Variants in CAPN13 observed in about 807,000 individuals in gnomAD.
CAPN13 encodes the protein calpain-13.
Under a neutral mutation model 98.4 loss-of-function variants are expected in CAPN13, and 90 were observed. That is an observed-to-expected ratio of 0.92 (90% CI 0.77 to 1.09). CAPN13 has a LOEUF of 1.09. CAPN13 is among the 50% of genes least tolerant of loss of function. The pLI is 0.00. For missense variants in CAPN13, 887 were observed against 841.3 expected, an observed-to-expected ratio of 1.05 and a Z score of -0.67; for synonymous variants, 330 against 305.5, an observed-to-expected ratio of 1.08 and a Z score of -0.84.
chr2:30,743,275 G>T, intron 13 of CAPN13, 108 bp downstream of exon 13: 1 of 993,364 alleles, frequency 1.0e-6, no homozygotes, highest in Non-Finnish European at 1.6e-6. Flanking sequence ...TGTCCCCAGT[G>T]ACATAGCACA....
intron 8 of CAPN13, 115 bp from the exon 9 acceptor site, chr2:30,754,479 A>G: frequency 3.8e-6 from 3 of 790,894 alleles, no homozygotes; most frequent in Non-Finnish European, 5.7e-6. Flanking sequence ...AGCACAGGGC[A>G]AGTGTCATCC....
At chr2:30,757,331 C>T (rs1672505240) in intron 8 of CAPN13, among the ~76,000 whole-genome samples, 2 of 152,340 alleles carry the variant, frequency 1.3e-5, no homozygotes, top group South Asian at 4.1e-4. Flanking sequence ...GGGGTCCACC[C>T]CTCTGGCAGC....
chr2:30,754,420 C>T, intron 8 of CAPN13, 56 bp from the exon 9 acceptor site: 1 of 1,477,928 alleles, frequency 6.8e-7, no homozygotes, highest in African/African-American at 1.4e-5. Flanking sequence ...TTTTTCTCAA[C>T]CATGTGTGGG....
chr2:30,761,767 G>C (rs1387802514), intron 7 of CAPN13, among the ~76,000 whole-genome samples: 1 of 152,186 alleles, frequency 6.6e-6, no homozygotes, highest in Non-Finnish European at 1.5e-5. Flanking sequence ...AGAGATTGGA[G>C]ATACTGTCTT....
At chr2:30,742,235 G>T in intron 14 of CAPN13, 91 bp downstream of exon 14, 1 of 1,407,948 alleles carries the variant, frequency 7.1e-7, no homozygotes, top group South Asian at 1.2e-5. Flanking sequence ...ATTGGTTGGG[G>T]GCAGCGGGAG....
intron 8 of CAPN13, among the ~76,000 whole-genome samples, chr2:30,757,185 G>A (rs774369461): frequency 6.6e-6 from 1 of 152,230 alleles, no homozygotes; most frequent in Non-Finnish European, 1.5e-5. Flanking sequence ...ATTTTTCACG[G>A]ATGGACACAG....
rs1391799892 is a variant in CAPN13 at position 30,764,248 on chromosome 2, G to C, written c.583C>G (p.Leu195Val). Residue 195 changes from leucine to valine, a missense_variant, in exon 6 of 23, where the codon CTC (leucine) becomes GTC (valine). Physicochemically the swap from Leu to Val is conservative, Grantham distance 32. Coordinates refer to ENST00000295055, the MANE Select transcript of CAPN13 (RefSeq NM_144575.3). Reference sequence around the variant, plus strand: ...ATGTTGGTGATCACGCCTCCTGTGAGGTCCACCAGGGCATCCTCGAGGAAG... The same window carrying C: ...ATGTTGGTGATCACGCCTCCTGTGACGTCCACCAGGGCATCCTCGAGGAAG... The part of the protein sequence containing the change: ...YGFLEDALVD[L>V]TGGVITNIHL... 6.2e-7 allele frequency: 1 copy of C among 1,613,590 alleles called. No individual in the cohort carries two copies.
chr2:30,796,607 C>T (rs191738220), intron 1 of CAPN13, among the ~76,000 whole-genome samples: 1 of 152,034 alleles, frequency 6.6e-6, no homozygotes, highest in African/African-American at 2.4e-5. Flanking sequence ...ATTAACCAAG[C>T]AGATAGCAGA....
At chr2:30,754,838 C>T (rs1268984002) in intron 8 of CAPN13, among the ~76,000 whole-genome samples, 1 of 152,214 alleles carries the variant, frequency 6.6e-6, no homozygotes, top group East Asian at 1.9e-4. Flanking sequence ...CTGCCCTTCC[C>T]TCTGGATATC....
rs1491460338 is a variant in CAPN13, at chr2:30,796,173, T to TATATATATATATACATATATATAC, written c.-32-8817_-32-8816insGTATATATATGTATATATATATAT. On this transcript the variant is annotated intron_variant, in intron 1 of 22. Transcript: ENST00000295055. ...ATATATATATACATATATATGTGTGTATATATATATACATATATATGTGTG... is the reference window on the plus strand; with the variant it reads ...ATATATATATACATATATATGTGTGTATATATATATATACATATATATACATATATATATACATATATATGTGTG... Among the ~76,000 whole-genome samples, 903 of 139,084 alleles carry TATATATATATATACATATATATAC rather than the reference T, an allele frequency of 6.5e-3. 14 individuals are homozygous for TATATATATATATACATATATATAC. Among genetic ancestry groups the TATATATATATATACATATATATAC allele is most frequent in the African/African-American group, 0.024 (844 of 34,820 alleles). 91.2% of individuals were successfully genotyped at this position (139,084 alleles called of 152,430 possible).
chr2:30,758,812 C>CTT (rs1387383126), intron 7 of CAPN13, among the ~76,000 whole-genome samples: 3 of 95,756 alleles, frequency 3.1e-5, no homozygotes, highest in Admixed American at 2.0e-4. Context: ...CCCTCCCTTC[C>CTT]CTTCCTCCCT....
At chr2:30,800,538 G>A (rs1034729446) in intron 1 of CAPN13, among the ~76,000 whole-genome samples, 1 of 152,170 alleles carries the variant, frequency 6.6e-6, no homozygotes, top group African/African-American at 2.4e-5. Flanking sequence ...TGGGCCTTGG[G>A]CACGTCGCTC....
Position 30,752,235 on chromosome 2 carries a change from G to A in CAPN13, c.1087+818C>T, listed in dbSNP as rs142977101. On this transcript the variant is annotated intron_variant, in intron 10 of 22. Transcript: ENST00000295055. The stretch of plus-strand genomic sequence containing the variant: ...TCAAACCAACCATCCCGACAGGCAG[G>A]TGCCCAGAGGAAGGGATGCATATGC... Among the ~76,000 whole-genome samples, 676 of 152,308 alleles carry A rather than the reference G, an allele frequency of 4.4e-3. 8 individuals carry two copies. The highest frequency in any genetic ancestry group is 0.015 in the African/African-American group (629 of 41,564).
At chr2:30,789,237 C>T (rs1451407127) in intron 1 of CAPN13, among the ~76,000 whole-genome samples, 1 of 152,142 alleles carries the variant, frequency 6.6e-6, no homozygotes, top group Non-Finnish European at 1.5e-5. Flanking sequence ...CGATGGCACT[C>T]GATAATGAAG....
chr2:30,767,577 G>C (rs560428085), intron 5 of CAPN13, among the ~76,000 whole-genome samples: 1 of 152,170 alleles, frequency 6.6e-6, no homozygotes, highest in East Asian at 1.9e-4. Context: ...AAAGATAATG[G>C]CAGTGTTTTC....
intron 10 of CAPN13, among the ~76,000 whole-genome samples, chr2:30,752,814 A>G (rs561446387): frequency 1.3e-5 from 2 of 152,198 alleles, no homozygotes; most frequent in Non-Finnish European, 2.9e-5. Flanking sequence ...GTGGAAGGAT[A>G]TTGGCACAGC....
chr2:30,757,649 G>A (rs1672523663), intron 8 of CAPN13, among the ~76,000 whole-genome samples: 1 of 152,186 alleles, frequency 6.6e-6, no homozygotes, highest in Non-Finnish European at 1.5e-5. Flanking sequence ...TCCAAGGGAT[G>A]CAGTTCCTTC....
rs762440070 is a variant in CAPN13, at chr2:30,754,298, G to A, written c.933C>T (p.Gly311=). 12 of 1,602,618 alleles carry A rather than the reference G, an allele frequency of 7.5e-6. No individual in the cohort carries two copies. The highest frequency in any genetic ancestry group is 6.9e-5 in the Admixed American group (4 of 58,020). ...ATAAGAAGGGTAAATACCAAAACTCGCCATCTTCCCGTTTCTTATGTAGCT... is the reference window on the plus strand; with the variant it reads ...ATAAGAAGGGTAAATACCAAAACTCACCATCTTCCCGTTTCTTATGTAGCT... The part of the protein sequence containing the change: ...KSQLHKKRED[G]EFWMSCQDFQ... Residue 311 remains glycine (G), a synonymous_variant, in exon 9 of 23, where the codon GGC becomes GGT. Coordinates refer to ENST00000295055, the MANE Select transcript of CAPN13 (RefSeq NM_144575.3).
chr2:30,785,018 T>C (rs533432908), intron 2 of CAPN13, among the ~76,000 whole-genome samples: 4 of 152,156 alleles, frequency 2.6e-5, no homozygotes, highest in African/African-American at 4.8e-5. Flanking sequence ...GGTGAGTACA[T>C]TGGCTTTTTC....
Sources: allele counts gnomAD v4.1 joint callset (sites outside exome capture counted in the v4.1 genomes callset), GRCh38; gene constraint gnomAD v4.1.1; transcripts MANE v1.5; gene names NCBI Gene and HGNC (gene_info 2026-07-23, HGNC 2026-07-21).